The following HYOU1 variants were observed in gnomAD, a reference collection of about 807,000 sequenced individuals.
HYOU1 encodes the protein hypoxia up-regulated protein 1.
A neutral mutation model predicts 120.5 loss-of-function variants in HYOU1; 40 were observed. The observed-to-expected ratio is 0.33, with a 90% CI of 0.26 to 0.43. The LOEUF (loss-of-function observed/expected upper bound fraction) is 0.43. Among genes scored for constraint, HYOU1 ranks in the 20% least tolerant of loss-of-function variants. The probability of loss-of-function intolerance (pLI) is 1.00; values close to 1 mark genes in which losing one functional copy is unlikely to be tolerated. For missense variants in HYOU1, 1,085 were observed against 1,278.3 expected (o/e 0.85, Z 2.31); for synonymous variants, 501 against 479.4 (o/e 1.05, Z -0.59).
Position 119,044,858 on chromosome 11 carries a change from G to A in HYOU1, c.*735C>T, listed in dbSNP as rs1369793228. The A allele has an allele frequency of 2.2e-5, 6 of 271,888 alleles. No homozygotes were observed. Among genetic ancestry groups the A allele is most frequent in the East Asian group, 8.1e-5 (1 of 12,328 alleles). The allele number at this position is 271,888 out of a possible 1,614,324, so 16.8% of individuals were successfully genotyped here. A position where few individuals can be genotyped will look rare whatever the true frequency, so the allele number is the denominator to read the frequency against. On this transcript the variant is annotated 3_prime_UTR_variant, in exon 26 of 26. Coordinates refer to ENST00000617285, the MANE Select transcript of HYOU1 (RefSeq NM_006389.5). ...ACCACTCTACGTGGCTTTCCTCTTC[G>A]GAGAGGTGGTGGGCTCCCTTCTTCA... is the stretch of plus-strand genomic sequence containing the variant.
rs2133594298 is a variant in HYOU1, at chr11:119,052,645, T to C, written c.979A>G (p.Met327Val). Reference protein sequence around the residue: ...KTVLSANADHMAQIEGLMDDV... With the variant: ...KTVLSANADHVAQIEGLMDDV... ...CAGCCACTTGTGGGCACCTGTGCCA[T>C]GTGGTCAGCGTTGGCACTGAGGACG... The change falls in exon 9 of 26, where the codon ATG becomes GTG. Residue 327 changes from methionine to valine, a missense_variant. Physicochemically the swap from Met to Val is conservative, Grantham distance 21 (BLOSUM62 1). This residue lies in a region of HYOU1 where 515 missense variants were observed against 677.8 expected (regional missense o/e 0.76). Coordinates refer to ENST00000617285, the MANE Select transcript of HYOU1 (RefSeq NM_006389.5). The surrounding 1 kb of genome is among the most constrained non-coding windows in gnomAD (Gnocchi z 5.0). The C allele has an allele frequency of 1.4e-5, 23 of 1,611,836 alleles. No homozygotes were observed. The highest frequency in any genetic ancestry group is 2.7e-5 in the African/African-American group (2 of 74,884).
chr11:119,054,906 CA>C (rs1388092635), intron 6 of HYOU1, 77 bp downstream of exon 6: 1 of 1,454,512 alleles, frequency 6.9e-7, no homozygotes, highest in African/African-American at 1.4e-5. Context: ...CCCTGGGAGG[CA>C]AACTTGCCCC....
chr11:119,047,554 C>T (rs1037615513), intron 22 of HYOU1, 180 bp downstream of exon 22: 11 of 599,172 alleles, frequency 1.8e-5, no homozygotes, highest in African/African-American at 1.7e-4. Flanking sequence ...GCTGATGACT[C>T]TTATGGCCAT....
intron 14 of HYOU1, 97 bp downstream of exon 14, chr11:119,050,938 T>A (rs1412186449): frequency 7.1e-6 from 10 of 1,418,032 alleles, no homozygotes; most frequent in Non-Finnish European, 9.6e-6. Flanking sequence ...AAACCTTTTT[T>A]GGTTATCTTA....
chr11:119,054,848 C>T (rs1274888433), intron 6 of HYOU1, 136 bp downstream of exon 6: 2 of 1,066,222 alleles, frequency 1.9e-6, no homozygotes, highest in African/African-American at 1.6e-5. Flanking sequence ...GCAGGTGCAC[C>T]CCTCAGATGT....
rs537627981 is a variant in HYOU1 at position 119,055,991 on chromosome 11, C to A, written c.91+79G>T. On this transcript the variant is annotated intron_variant, in intron 2 of 25. Coordinates refer to ENST00000617285, the MANE Select transcript of HYOU1 (RefSeq NM_006389.5). This position sits in a 1 kb window ranked among gnomAD's most constrained non-coding sequence, Gnocchi z 4.0. ...CCTAACAACTCAAGAGACTTCTGGC[C>A]AACAGCCCCAAGCTCAATTCCCATC... 6.1e-5 allele frequency: 88 copies of A among 1,443,818 alleles called. No individual in the cohort carries two copies. In the African/African-American group the frequency reaches 9.6e-4, roughly 16 times the overall value. The allele number at this position is 1,443,818 out of a possible 1,614,324, so 89.4% of individuals were successfully genotyped here. A position where few individuals can be genotyped will look rare whatever the true frequency, so the allele number is the denominator to read the frequency against.
At chr11:119,054,459 AC>A in intron 7 of HYOU1, 34 bp downstream of exon 7, 1 of 1,603,950 alleles carries the variant, frequency 6.2e-7, no homozygotes, top group Non-Finnish European at 8.5e-7. Context: ...AGATTCAGTC[AC>A]CCTGCATGTC....
In HYOU1 at chr11:119,055,018, G is replaced by A. The variant is rs2133609395; in HGVS notation, c.462C>T (p.Leu154=). 1.2e-6 allele frequency: 2 copies of A among 1,614,130 alleles called. No homozygotes were observed. The highest frequency in any genetic ancestry group is 3.3e-5 in the Admixed American group (2 of 60,026). The change falls in exon 6 of 26, where the codon CTC becomes CTT. Residue 154 remains leucine (L), a synonymous_variant. Transcript: ENST00000617285. This position sits in a 1 kb window ranked among gnomAD's most constrained non-coding sequence, Gnocchi z 4.0. ...CTTCAGCTAGAGAACGAGAATAATTGAGAACCATGCCCAACACTTCCTCAG... is the reference window on the plus strand; with the variant it reads ...CTTCAGCTAGAGAACGAGAATAATTAAGAACCATGCCCAACACTTCCTCAG... The part of the protein sequence containing the change: ...FSPEEVLGMV[L]NYSRSLAEDF...
rs2133557806 is a variant in HYOU1 at position 119,047,722 on chromosome 11, C to T, written c.2595+12G>A. ...AGCTAAGTATCTGGTTAAGTATTTA[C>T]GAAGTGATTACCCAGGTCTCATTGA... On this transcript the variant is annotated intron_variant, in intron 22 of 25. Transcript: ENST00000617285. The T allele has an allele frequency of 1.8e-5, 29 of 1,604,082 alleles. No homozygotes were observed. The highest frequency in any genetic ancestry group is 9.4e-5 in the African/African-American group (7 of 74,690).
rs1426069796 is a variant in HYOU1, at chr11:119,051,550, G to A, written c.1414C>T (p.Arg472Trp). ...TTGCGTTGAGGGTAGGGCCCCATCC[G>A]AGAGAAGAGTACCCGTTTATTGTGC... ...LKHNKRVLFS[R>W]MGPYPQRKVI... is the part of the protein sequence containing the mutation. Residue 472 changes from arginine to tryptophan, a missense_variant, in exon 13 of 26, where the codon CGG becomes TGG. Coordinates refer to ENST00000617285, the MANE Select transcript of HYOU1 (RefSeq NM_006389.5). The surrounding 1 kb of genome is among the most constrained non-coding windows in gnomAD (Gnocchi z 4.2). 1.2e-6 allele frequency: 2 copies of A among 1,614,138 alleles called. No individual in the cohort carries two copies. Among genetic ancestry groups the A allele is most frequent in the Non-Finnish European group, 1.7e-6 (2 of 1,180,026 alleles).
rs2133573053 is a variant in HYOU1, at chr11:119,049,419, A to G, written c.1806+137T>C. On this transcript the variant is annotated intron_variant, in intron 16 of 25. Transcript: ENST00000617285. The stretch of plus-strand genomic sequence containing the variant: ...GGGAGCACCAGTCAAGAAACAGCTC[A>G]GAGCCCAGAGGATCCTGGGGAGTGA... 196 of 1,564,474 alleles carry G rather than the reference A, an allele frequency of 1.3e-4. 4 individuals are homozygous for G. The South Asian group carries it at 2.1e-3, about 17-fold the overall frequency.
At chr11:119,046,312 C>T in intron 24 of HYOU1, 105 bp downstream of exon 24, 2 of 982,456 alleles carry the variant, frequency 2.0e-6, no homozygotes, top group Non-Finnish European at 3.1e-6. Context: ...AACGCAAAGG[C>T]CATTCAAGCT....
intron 23 of HYOU1, 44 bp from the exon 24 acceptor site, chr11:119,046,511 G>C: frequency 6.2e-7 from 1 of 1,614,168 alleles, no homozygotes; most frequent in Non-Finnish European, 8.5e-7. Flanking sequence ...GGAAGGAAAG[G>C]AGGCTGTCTC....
chr11:119,054,011 G>A (rs116918781), intron 8 of HYOU1, 110 bp downstream of exon 8: 17,596 of 670,622 alleles, frequency 0.026, 298 homozygotes, highest in South Asian at 0.042. Flanking sequence ...CCTCAATCAG[G>A]AGACCATTCC....
intron 1 of HYOU1, chr11:119,056,726 GC>G: frequency 4.0e-6 from 1 of 251,242 alleles, no homozygotes; most frequent in Non-Finnish European, 8.0e-6. Flanking sequence ...GCCCCGCTGT[GC>G]CCACAGACGC....
At chr11:119,046,340 C>T (rs1944075665) in intron 24 of HYOU1, 77 bp downstream of exon 24, 1 of 1,274,066 alleles carries the variant, frequency 7.8e-7, no homozygotes, top group Non-Finnish European at 1.1e-6. Context: ...TGTCTAGAAA[C>T]AGGCTGTGCC....
Position 119,049,802 on chromosome 11 carries a change from G to A in HYOU1, c.1701C>T (p.Ser567=), listed in dbSNP as rs202017398. 1.1e-5 allele frequency: 18 copies of A among 1,613,962 alleles called. No individual in the cohort carries two copies. Among genetic ancestry groups the A allele is most frequent in the Non-Finnish European group, 1.4e-5 (16 of 1,179,912 alleles). Residue 567 remains serine (S), a synonymous_variant, in exon 15 of 26, where the codon AGC becomes AGT. Coordinates refer to ENST00000617285, the MANE Select transcript of HYOU1 (RefSeq NM_006389.5). ...ESVFETLVED[S]AEEESTLTKL... is the part of the protein sequence containing the mutation. ...TGGTGAGAGTAGATTCCTCTTCTGC[G>A]CTGTCCTCTACCAGTGTCTCAAATA...
intron 22 of HYOU1, chr11:119,047,434 A>G: frequency 2.8e-6 from 1 of 358,802 alleles, no homozygotes; most frequent in Non-Finnish European, 5.2e-6. Flanking sequence ...CACATGACAC[A>G]TCAGTTTCAC....
rs2133544393 is a variant in HYOU1 at position 119,045,758 on chromosome 11, C to T, written c.2938+23G>A. On this transcript the variant is annotated intron_variant, in intron 25 of 25. Coordinates refer to ENST00000617285, the MANE Select transcript of HYOU1 (RefSeq NM_006389.5). ...CCTGAGACCCCACCAGGCTTCCCAC[C>T]GTAGCCCCGGCTCCATCCTCACCTG... 1.9e-5 allele frequency: 30 copies of T among 1,613,394 alleles called. No individual in the cohort carries two copies. The Admixed American group carries it at 2.3e-4, about 13-fold the overall frequency.
Sources: allele counts gnomAD v4.1 joint callset, GRCh38; gene constraint gnomAD v4.1.1; regional missense constraint gnomAD v4.1.1; non-coding constraint Gnocchi (gnomAD v3.1); transcripts MANE v1.5; gene names NCBI Gene and HGNC (gene_info 2026-07-23, HGNC 2026-07-21).